The following SOD2 variants were observed in gnomAD, a reference collection of about 807,000 sequenced individuals.
SOD2 encodes the protein superoxide dismutase 2.
SOD2 carries 11 observed loss-of-function variants against 27.0 expected under a neutral mutation model. That is an observed-to-expected ratio of 0.41 (90% CI 0.26 to 0.67). The LOEUF (loss-of-function observed/expected upper bound fraction) is 0.67. SOD2 is among the 30% of genes least tolerant of loss of function. SOD2 has a pLI of 0.34. For synonymous variants in SOD2, 105 were observed against 103.0 expected, an observed-to-expected ratio of 1.02 and a Z score of -0.12; for missense variants, 250 against 274.5, an observed-to-expected ratio of 0.91 and a Z score of 0.63.
intron 1 of SOD2, among the ~76,000 whole-genome samples, chr6:159,758,748 T>C (rs75374960): frequency 0.024 from 3,601 of 152,292 alleles, 62 homozygotes; most frequent in Non-Finnish European, 0.038. Context: ...AATTCCACTT[T>C]GGTGATTCAC....
chr6:159,688,416 C>G, intron 2 of SOD2, 174 bp from the exon 3 acceptor site: 1 of 553,602 alleles, frequency 1.8e-6, no homozygotes, highest in Non-Finnish European at 3.2e-6. Context: ...CCCAGACATG[C>G]TGAACAACTG....
intron 1 of SOD2, among the ~76,000 whole-genome samples, chr6:159,715,414 A>G (rs989100856): frequency 7.9e-5 from 12 of 152,268 alleles, no homozygotes; most frequent in South Asian, 4.1e-4. Flanking sequence ...CAGTTTGTCA[A>G]CAGTCACATA....
chr6:159,737,565 C>T (rs1430279767), intron 1 of SOD2, among the ~76,000 whole-genome samples: 2 of 152,104 alleles, frequency 1.3e-5, no homozygotes, highest in African/African-American at 2.4e-5. Context: ...ACAATCTTGG[C>T]TCATTGTGGC....
chr6:159,726,929 G>C (rs758286482), intron 1 of SOD2: 1 of 1,288,742 alleles, frequency 7.8e-7, no homozygotes, highest in Admixed American at 2.3e-5. Context: ...CTGGTCCTCC[G>C]ACACGCGGAA....
At chr6:159,716,485 C>T (rs1288033090) in intron 1 of SOD2, among the ~76,000 whole-genome samples, 1 of 152,166 alleles carries the variant, frequency 6.6e-6, no homozygotes, top group African/African-American at 2.4e-5. Context: ...ATGTGCCTCT[C>T]CCCGGAAGGA....
rs1779654867 is a variant in SOD2 at position 159,671,319 on chromosome 6, G to C, written c.*11174C>G. 6.6e-6 allele frequency: 1 copy of C among 152,476 alleles called. No individual in the cohort carries two copies. Among genetic ancestry groups the C allele is most frequent in the African/African-American group, 2.4e-5 (1 of 41,442 alleles). 9.4% of individuals were successfully genotyped at this position (152,476 alleles called of 1,614,324 possible). A position where few individuals can be genotyped will look rare whatever the true frequency, so the allele number is the denominator to read the frequency against. On this transcript the variant is annotated 3_prime_UTR_variant, in exon 5 of 5. Coordinates refer to ENST00000538183, the MANE Select transcript of SOD2 (RefSeq NM_000636.4). Reference sequence around the variant, plus strand: ...CCTCAAGTGAGTCCCTGACCCCCGAGTAGCCTAACTGGGAGGCACCCCCAA... The same window carrying C: ...CCTCAAGTGAGTCCCTGACCCCCGACTAGCCTAACTGGGAGGCACCCCCAA...
At chr6:159,755,357 T>A in intron 1 of SOD2, 1 of 1,614,152 alleles carries the variant, frequency 6.2e-7, no homozygotes, top group Non-Finnish European at 8.5e-7. Context: ...TGGTAATAAG[T>A]CCTCCAACAG....
chr6:159,740,703 T>G (rs1384102005), intron 1 of SOD2, among the ~76,000 whole-genome samples: 1 of 151,342 alleles, frequency 6.6e-6, no homozygotes, highest in Non-Finnish European at 1.5e-5. Flanking sequence ...TTTTCTTTTT[T>G]CTTTCTTTTT....
chr6:159,672,854 C>T lies in SOD2; in HGVS notation c.*9639G>A, dbSNP rs533959521. The T allele has an allele frequency of 2.6e-5, 4 of 151,950 alleles. No individual in the cohort carries two copies. In the South Asian group the frequency reaches 8.3e-4, roughly 32 times the overall value. 9.4% of individuals were successfully genotyped at this position (151,950 alleles called of 1,614,324 possible). ...TGCTGTATTCAGGAAACCCATCTCACGTACAGAGACACACACACATAGGCT... is the reference window on the plus strand; with the variant it reads ...TGCTGTATTCAGGAAACCCATCTCATGTACAGAGACACACACACATAGGCT... On this transcript the variant is annotated 3_prime_UTR_variant, in exon 5 of 5. Coordinates refer to ENST00000538183, the MANE Select transcript of SOD2 (RefSeq NM_000636.4).
exon 1 of SOD2, chr6:159,761,208 A>G: frequency 5.1e-6 from 1 of 197,522 alleles, no homozygotes; most frequent in Non-Finnish European, 1.1e-5. Context: ...TCCACTATCC[A>G]GGTGTTCCCA....
chr6:159,702,851 A>AAAAG (rs964149297), intron 1 of SOD2, among the ~76,000 whole-genome samples: 3 of 13,702 alleles, frequency 2.2e-4, no homozygotes, highest in Non-Finnish European at 6.3e-4. Flanking sequence ...CCCTATCTCG[A>AAAAG]AAAAAAAAAA....
chr6:159,756,601 T>A (rs1159493240), intron 1 of SOD2, among the ~76,000 whole-genome samples: 1 of 147,872 alleles, frequency 6.8e-6, no homozygotes, highest in Non-Finnish European at 1.5e-5. Flanking sequence ...AGGCTTTTTT[T>A]TTTTTTTTTT....
upstream of SOD2, among the ~76,000 whole-genome samples, chr6:159,730,537 A>C (rs1481617161): frequency 1.3e-5 from 2 of 152,232 alleles, no homozygotes; most frequent in Admixed American, 6.5e-5. Flanking sequence ...TTTTGACCAA[A>C]TAGTTGAATG....
chr6:159,748,165 G>A (rs372979089), upstream of SOD2: 21 of 1,600,834 alleles, frequency 1.3e-5, no homozygotes, highest in East Asian at 6.7e-5. The surrounding 1 kb of genome is among the most constrained non-coding windows in gnomAD (Gnocchi z 5.6). Flanking sequence ...TGATTTGGTC[G>A]TAATTGTTTC....
At chr6:159,692,522 C>CT (rs1321674312) in intron 2 of SOD2, 139 bp downstream of exon 2, 1 of 1,477,170 alleles carries the variant, frequency 6.8e-7, no homozygotes, top group African/African-American at 1.4e-5. Flanking sequence ...AAAAGAGAGA[C>CT]TATCGTGCCT....
At chr6:159,761,886 C>A (rs1780138542) in exon 1 of SOD2, 1 of 331,928 alleles carries the variant, frequency 3.0e-6, no homozygotes, top group Non-Finnish European at 5.2e-6. Context: ...CCCCGCGCCC[C>A]GCGCCCCGCG....
chr6:159,719,831 C>T lies in SOD2; in HGVS notation c.-116+7298G>A, dbSNP rs1361448007. 2.0e-5 allele frequency among the ~76,000 whole-genome samples: 3 copies of T among 150,976 alleles called. No homozygotes were observed. The Admixed American group carries it at 2.0e-4, about 10-fold the overall frequency. On this transcript the variant is annotated intron_variant, in intron 1 of 2. Coordinates refer to the SOD2 transcript ENST00000401980. Reference sequence around the variant, plus strand: ...CTCCACCTCCCGGGTTCAAGAGAGTCTCCTGCCTCAGCCTCCCAAGTAGTT... The same window carrying T: ...CTCCACCTCCCGGGTTCAAGAGAGTTTCCTGCCTCAGCCTCCCAAGTAGTT...
chr6:159,717,899 G>A (rs1307335713), intron 1 of SOD2, among the ~76,000 whole-genome samples: 3 of 12,140 alleles, frequency 2.5e-4, no homozygotes, highest in East Asian at 3.2e-3. Flanking sequence ...GTATGGATAT[G>A]TGTGTGTGTG....
At position 159,684,211 on chromosome 6, in the gene SOD2, C is replaced by CT. The variant is rs141447833; in HGVS notation, c.523+642dup. On this transcript the variant is annotated intron_variant, in intron 4 of 4. Coordinates refer to ENST00000538183, the MANE Select transcript of SOD2 (RefSeq NM_000636.4). ...ACAGTACAAGCTCTGAAATCAGTCT[C>CT]TGCTTGTATTTCTTTTCCTCACTCT... 2.7e-4 allele frequency among the ~76,000 whole-genome samples: 41 copies of CT among 152,224 alleles called. No individual in the cohort carries two copies. The East Asian group carries it at 7.9e-3, about 29-fold the overall frequency.
Sources: gnomAD v4.1 joint callset for allele counts (sites outside exome capture counted in the v4.1 genomes callset) on GRCh38, gnomAD v4.1.1 for gene constraint, Gnocchi (gnomAD v3.1) non-coding constraint, MANE v1.5 for transcripts, NCBI Gene and HGNC (gene_info 2026-07-23, HGNC 2026-07-21) for gene names.